The following PRKAG2 variants were observed in gnomAD, a reference collection of about 807,000 sequenced individuals.
PRKAG2 encodes protein kinase AMP-activated non-catalytic subunit gamma 2, also known as 5'-AMP-activated protein kinase subunit gamma-2.
In PRKAG2, 26 loss-of-function variants were observed where a neutral mutation model predicts 69.6. The ratio of observed to expected loss-of-function variants is 0.37; its 90% confidence interval spans 0.27 to 0.52. The LOEUF (loss-of-function observed/expected upper bound fraction) is 0.52, where lower values mean the gene tolerates loss of function less well. PRKAG2 is among the 20% of genes least tolerant of loss of function. The pLI is 0.90. For synonymous variants in PRKAG2, 293 were observed against 285.0 expected (o/e 1.03, Z -0.28); for missense variants, 557 against 740.0 (o/e 0.75, Z 2.87).
chr7:151,612,133 T>C (rs7795957), intron 5 of PRKAG2, among the ~76,000 whole-genome samples: 41,746 of 151,988 alleles, frequency 0.27, 5,835 homozygotes, highest in African/African-American at 0.31. Context: ...CTGAATTAAA[T>C]GCAGTGCTTT....
chr7:151,635,865 A>G (rs1191471204), intron 4 of PRKAG2, among the ~76,000 whole-genome samples: 1 of 147,196 alleles, frequency 6.8e-6, no homozygotes, highest in African/African-American at 2.6e-5. Context: ...AATGACAATA[A>G]ATTTTTTTTT....
intron 1 of PRKAG2, among the ~76,000 whole-genome samples, chr7:151,859,266 C>A (rs1269699814): frequency 1.3e-5 from 2 of 152,292 alleles, no homozygotes; most frequent in Admixed American, 1.3e-4. Context: ...TCAGACGGGG[C>A]GGGGCGAGGT....
Position 151,699,112 on chromosome 7 carries a change from A to T in PRKAG2, c.467-23475T>A, listed in dbSNP as rs1010663571. ...CTGCAAACTCTGGGGAGCACCCCTC[A>T]ATGCCCTTAGGCCACCTTTCCTTCT... On this transcript the variant is annotated intron_variant, in intron 3 of 15. Coordinates refer to ENST00000287878, the MANE Select transcript of PRKAG2 (RefSeq NM_016203.4). This position sits in a 1 kb window ranked among gnomAD's most constrained non-coding sequence, Gnocchi z 4.5. Among the ~76,000 whole-genome samples the T allele has an allele frequency of 6.6e-6, 1 of 152,096 alleles. No homozygotes were observed. Among genetic ancestry groups the T allele is most frequent in the Non-Finnish European group, 1.5e-5 (1 of 68,022 alleles).
At chr7:151,840,877 C>A (rs1288516539) in intron 1 of PRKAG2, among the ~76,000 whole-genome samples, 1 of 152,224 alleles carries the variant, frequency 6.6e-6, no homozygotes, top group Non-Finnish European at 1.5e-5. Context: ...GTGGCACCTA[C>A]AGTCCCAGCT....
At chr7:151,864,166 G>C (rs1195598945) in intron 1 of PRKAG2, among the ~76,000 whole-genome samples, 2 of 152,190 alleles carry the variant, frequency 1.3e-5, no homozygotes, top group African/African-American at 4.8e-5. Flanking sequence ...CCAGCCTCAA[G>C]AGCAGGCATC....
chr7:151,589,941 A>AAAG (rs998270105), intron 6 of PRKAG2, among the ~76,000 whole-genome samples: 2 of 152,216 alleles, frequency 1.3e-5, no homozygotes, highest in Non-Finnish European at 2.9e-5. Flanking sequence ...TCTTTAAAAA[A>AAAG]AAGAAGAAGA....
At chr7:151,740,279 G>C (rs1475341327) in intron 3 of PRKAG2, among the ~76,000 whole-genome samples, 1 of 152,158 alleles carries the variant, frequency 6.6e-6, no homozygotes, top group Non-Finnish European at 1.5e-5. Flanking sequence ...ATCCCTGCAG[G>C]GTTGCTCTGG....
At chr7:151,855,223 G>GCCCTCCACACACACCGCC (rs2079708615) in intron 1 of PRKAG2, among the ~76,000 whole-genome samples, 4 of 4,648 alleles carry the variant, frequency 8.6e-4, no homozygotes, top group Admixed American at 2.4e-3. Context: ...CACACACCAC[G>GCCCTCCACACACACCGCC]CTCCACACAC....
chr7:151,576,992 T>C (rs1180067065), intron 6 of PRKAG2, among the ~76,000 whole-genome samples: 1 of 152,208 alleles, frequency 6.6e-6, no homozygotes, highest in East Asian at 1.9e-4. Flanking sequence ...TTCTTTTTTT[T>C]TTCTTATTGT....
intron 4 of PRKAG2, among the ~76,000 whole-genome samples, chr7:151,659,112 C>A (rs1470034228): frequency 1.3e-5 from 2 of 152,114 alleles, no homozygotes; most frequent in Non-Finnish European, 2.9e-5. Flanking sequence ...TAAAATTTGA[C>A]CTTTTTCTAT....
At position 151,703,889 on chromosome 7, in the gene PRKAG2, CACACACACACACACACACACAA is replaced by C. The variant is rs1348297176; in HGVS notation, c.467-28274_467-28253del. Among the ~76,000 whole-genome samples the C allele has an allele frequency of 6.8e-4, 97 of 141,784 alleles. 2 individuals are homozygous for C. The highest frequency in any genetic ancestry group is 2.2e-3 in the African/African-American group (84 of 38,138). 93.0% of individuals were successfully genotyped at this position (141,784 alleles called of 152,430 possible). A position where few individuals can be genotyped will look rare whatever the true frequency, so the allele number is the denominator to read the frequency against. On this transcript the variant is annotated intron_variant, in intron 3 of 15. Coordinates refer to ENST00000287878, the MANE Select transcript of PRKAG2 (RefSeq NM_016203.4). ...ACACACACACACACACACACACACA[CACACACACACACACACACACAA>C]ATTAGCTAGGCATGGTGGCAGGTGC...
rs542060797 is a variant in PRKAG2, at chr7:151,829,477, GT to G, written c.115-42937del. On this transcript the variant is annotated intron_variant, in intron 1 of 15. Transcript: ENST00000287878. ...AAAACTGCCTGGCAGTGCCTCAAAA[GT>G]TAAATGTAAAGTCACAATATGACCC... Among the ~76,000 whole-genome samples, 12 of 152,084 alleles carry G rather than the reference GT, an allele frequency of 7.9e-5. No homozygotes were observed. In the East Asian group the frequency reaches 2.1e-3, roughly 27 times the overall value.
intron 3 of PRKAG2, among the ~76,000 whole-genome samples, chr7:151,760,097 C>A (rs946674999): frequency 2.6e-5 from 4 of 152,106 alleles, no homozygotes; most frequent in African/African-American, 7.2e-5. Context: ...AAAAAGGAAG[C>A]TGAGATGGGA....
chr7:151,595,225 G>A (rs780521301), intron 6 of PRKAG2, 120 bp downstream of exon 6: 10 of 724,870 alleles, frequency 1.4e-5, no homozygotes, highest in Non-Finnish European at 1.9e-5. Flanking sequence ...CCTCAGCACA[G>A]TGCCCGATAG....
chr7:151,803,095 T>G (rs1231167653), intron 1 of PRKAG2, among the ~76,000 whole-genome samples: 1 of 151,942 alleles, frequency 6.6e-6, no homozygotes, highest in Non-Finnish European at 1.5e-5. Flanking sequence ...GTAGCTGGGA[T>G]TACAGGTATG....
chr7:151,650,653 C>T (rs909562207), intron 4 of PRKAG2, among the ~76,000 whole-genome samples: 3 of 152,214 alleles, frequency 2.0e-5, no homozygotes, highest in Non-Finnish European at 2.9e-5. Context: ...GCTTTTTACC[C>T]ACCATTGCTT....
chr7:151,612,734 G>A (rs766518036), intron 5 of PRKAG2, among the ~76,000 whole-genome samples: 8 of 152,214 alleles, frequency 5.3e-5, no homozygotes, highest in East Asian at 1.9e-4. Flanking sequence ...GCGAGTGACC[G>A]TCTATGGGAC....
chr7:151,839,012 CA>C (rs749220807), intron 1 of PRKAG2, among the ~76,000 whole-genome samples: 8,694 of 80,014 alleles, frequency 0.11, 338 homozygotes, highest in African/African-American at 0.18. Flanking sequence ...GAGACTGTCT[CA>C]AAAAAAAAAA....
chr7:151,656,223 A>G (rs1389690211), intron 4 of PRKAG2, among the ~76,000 whole-genome samples: 2 of 152,348 alleles, frequency 1.3e-5, no homozygotes, highest in Non-Finnish European at 2.9e-5. Flanking sequence ...CAATTTTAAA[A>G]GGATGACAAT....
Sources: gnomAD v4.1 joint callset for allele counts (sites outside exome capture counted in the v4.1 genomes callset) on GRCh38, gnomAD v4.1.1 for gene constraint, Gnocchi (gnomAD v3.1) non-coding constraint, MANE v1.5 for transcripts, NCBI Gene and HGNC (gene_info 2026-07-23, HGNC 2026-07-21) for gene names.